Variants in TBC1D5 observed in about 807,000 individuals in gnomAD.
TBC1D5 encodes TBC1 domain family, member 5.
TBC1D5 carries 75 observed loss-of-function variants against 100.3 expected under a neutral mutation model. The ratio of observed to expected loss-of-function variants is 0.75; its 90% CI spans 0.62 to 0.91. TBC1D5 has a LOEUF of 0.91. Among genes scored for constraint, TBC1D5 ranks in the 40% least tolerant of loss-of-function variants. TBC1D5 has a pLI of 0.00. For missense variants in TBC1D5, 910 were observed against 942.4 expected (o/e 0.97, Z 0.45); for synonymous variants, 323 against 325.6 (o/e 0.99, Z 0.09).
intron 1 of TBC1D5, among the ~76,000 whole-genome samples, chr3:17,689,537 G>C (rs1048161707): frequency 7.1e-6 from 1 of 141,412 alleles, no homozygotes; most frequent in Non-Finnish European, 1.5e-5. Flanking sequence ...AAAAAAAAAA[G>C]AAAAGAAAAA....
At chr3:17,164,382 T>G (rs901698728) in intron 21 of TBC1D5, among the ~76,000 whole-genome samples, 4 of 152,186 alleles carry the variant, frequency 2.6e-5, no homozygotes, top group Non-Finnish European at 4.4e-5. Context: ...GTTAGGAATG[T>G]GCCATGGCAC....
chr3:17,570,219 A>T (rs2153503867), intron 2 of TBC1D5, among the ~76,000 whole-genome samples: 2 of 152,114 alleles, frequency 1.3e-5, no homozygotes, highest in South Asian at 4.1e-4. Flanking sequence ...AGTAAGCAAG[A>T]ACCAAGATAC....
chr3:17,530,301 A>G (rs990324231), intron 2 of TBC1D5, among the ~76,000 whole-genome samples: 2 of 151,962 alleles, frequency 1.3e-5, no homozygotes, highest in Admixed American at 6.6e-5. Context: ...GTAATTCAAC[A>G]GCAACAAGTA....
intron 19 of TBC1D5, among the ~76,000 whole-genome samples, chr3:17,173,910 T>C: frequency 6.6e-6 from 1 of 152,268 alleles, no homozygotes; most frequent in East Asian, 1.9e-4. Context: ...ACTACTGGCT[T>C]TTGTTGAACA....
chr3:17,710,152 G>A (rs2074571566), intron 1 of TBC1D5, among the ~76,000 whole-genome samples: 1 of 151,852 alleles, frequency 6.6e-6, no homozygotes, highest in East Asian at 1.9e-4. Flanking sequence ...ATGAACTAAG[G>A]GGAGAAAAAA....
At chr3:17,554,111 C>T (rs2096495824) in intron 2 of TBC1D5, among the ~76,000 whole-genome samples, 1 of 152,090 alleles carries the variant, frequency 6.6e-6, no homozygotes, top group East Asian at 1.9e-4. Flanking sequence ...AGATAGAATC[C>T]CTATTCTACA....
At chr3:17,512,418 C>T (rs1181536861) in intron 2 of TBC1D5, among the ~76,000 whole-genome samples, 1 of 152,064 alleles carries the variant, frequency 6.6e-6, no homozygotes, top group East Asian at 1.9e-4. Flanking sequence ...AACTTCTATC[C>T]TTGATTTTCT....
chr3:17,539,274 C>T (rs781312837), intron 2 of TBC1D5, among the ~76,000 whole-genome samples: 2 of 152,120 alleles, frequency 1.3e-5, no homozygotes, highest in Non-Finnish European at 2.9e-5. Flanking sequence ...TCTTATTATG[C>T]AGATGAAGCC....
At chr3:17,472,534 T>A (rs1576209583) in intron 3 of TBC1D5, among the ~76,000 whole-genome samples, 1 of 152,320 alleles carries the variant, frequency 6.6e-6, no homozygotes, top group East Asian at 1.9e-4. Context: ...TTAATTCATT[T>A]CCTACCCTTC....
At chr3:17,223,387 T>C (rs2074494047) in intron 17 of TBC1D5, among the ~76,000 whole-genome samples, 1 of 152,192 alleles carries the variant, frequency 6.6e-6, no homozygotes, top group African/African-American at 2.4e-5. Flanking sequence ...ATTTGCAAAA[T>C]GCTTGTCCAT....
chr3:17,638,993 C>T (rs2064236988), intron 1 of TBC1D5, among the ~76,000 whole-genome samples: 2 of 152,068 alleles, frequency 1.3e-5, no homozygotes, highest in Admixed American at 6.5e-5. Flanking sequence ...TATCATATGA[C>T]ATACCAATCC....
chr3:17,422,195 GT>G (rs932537454), intron 4 of TBC1D5, among the ~76,000 whole-genome samples: 2 of 151,352 alleles, frequency 1.3e-5, no homozygotes, highest in Admixed American at 6.6e-5. Context: ...TTTTGAGACA[GT>G]TTTTTTTTAT....
intron 4 of TBC1D5, among the ~76,000 whole-genome samples, chr3:17,408,033 A>ATAG (rs1227919465): frequency 5.3e-5 from 8 of 152,032 alleles, no homozygotes; most frequent in Non-Finnish European, 1.2e-4. Flanking sequence ...GCAGTACAGG[A>ATAG]TAGTGGTTAA....
chr3:17,185,992 A>ATATAT (rs2069006204), intron 18 of TBC1D5, among the ~76,000 whole-genome samples: 1 of 150,540 alleles, frequency 6.6e-6, no homozygotes, highest in African/African-American at 2.4e-5. Context: ...AAAAGATAAT[A>ATATAT]TAAGCAAAAA....
intron 1 of TBC1D5, chr3:17,665,031 T>TACAAAAAA (rs2067090039): frequency 1.0e-5 from 1 of 97,088 alleles, no homozygotes; most frequent in African/African-American, 4.0e-5. Flanking sequence ...CCCCGCTATT[T>TACAAAAAA]AAAAAAAAAA....
At chr3:17,370,741 C>A (rs975298576) in intron 13 of TBC1D5, among the ~76,000 whole-genome samples, 1 of 152,130 alleles carries the variant, frequency 6.6e-6, no homozygotes. Context: ...AAACAAAACA[C>A]TATTCTCTTT....
chr3:17,515,018 A>G (rs1404102411), intron 2 of TBC1D5, among the ~76,000 whole-genome samples: 1 of 151,880 alleles, frequency 6.6e-6, no homozygotes. Flanking sequence ...TGGTTTTCAT[A>G]AAATCAAGGT....
intron 3 of TBC1D5, among the ~76,000 whole-genome samples, chr3:17,498,661 G>C (rs901520892): frequency 6.6e-5 from 10 of 152,078 alleles, no homozygotes; most frequent in African/African-American, 2.4e-4. Context: ...ATGTAATGTA[G>C]ACTCGGCACA....
intron 2 of TBC1D5, among the ~76,000 whole-genome samples, chr3:17,618,518 T>C (rs1244020652): frequency 6.6e-6 from 1 of 152,234 alleles, no homozygotes; most frequent in African/African-American, 2.4e-5. Context: ...GTGGAGTCTA[T>C]AGAGGCAATA....
Sources: gnomAD v4.1 joint callset for allele counts (sites outside exome capture counted in the v4.1 genomes callset) on GRCh38, gnomAD v4.1.1 for gene constraint, MANE v1.5 for transcripts, NCBI Gene and HGNC (gene_info 2026-07-23, HGNC 2026-07-21) for gene names.